The following ZNF280D variants were observed in gnomAD, a reference collection of about 807,000 sequenced individuals.
ZNF280D encodes the protein zinc finger protein 280D.
In ZNF280D, 39 loss-of-function variants were observed where a neutral mutation model predicts 94.7. That is an observed-to-expected ratio of 0.41 (90% confidence interval 0.32 to 0.54). The LOEUF is 0.54. Among genes scored for constraint, ZNF280D ranks in the 20% least tolerant of loss-of-function variants. ZNF280D has a pLI of 0.22. For missense variants in ZNF280D, 1,090 were observed against 1,149.3 expected, an observed-to-expected ratio of 0.95 and a Z score of 0.75; for synonymous variants, 398 against 377.6, an observed-to-expected ratio of 1.05 and a Z score of -0.63.
At chr15:56,721,528 G>C (rs2058359575) in intron 1 of ZNF280D, among the ~76,000 whole-genome samples, 1 of 152,162 alleles carries the variant, frequency 6.6e-6, no homozygotes, top group Non-Finnish European at 1.5e-5. Flanking sequence ...ATCTTAGGTA[G>C]ATCTCATGGA....
intron 13 of ZNF280D, among the ~76,000 whole-genome samples, chr15:56,675,309 G>C (rs764676378): frequency 2.3e-4 from 35 of 151,940 alleles, no homozygotes; most frequent in Non-Finnish European, 4.7e-4. Flanking sequence ...TCGTGAACTA[G>C]AGCTACTGCT....
chr15:56,722,576 C>T (rs1303698269), intron 1 of ZNF280D, among the ~76,000 whole-genome samples: 1 of 152,048 alleles, frequency 6.6e-6, no homozygotes, highest in Non-Finnish European at 1.5e-5. Flanking sequence ...AGTCAGGAAA[C>T]AACAGGTGCT....
chr15:56,699,514 T>C lies in ZNF280D; in HGVS notation c.381+1419A>G, dbSNP rs906361462. 1.4e-5 allele frequency: 12 copies of C among 865,274 alleles called. No individual in the cohort carries two copies. In the African/African-American group the frequency reaches 2.2e-4, roughly 16 times the overall value. 53.6% of individuals were successfully genotyped at this position (865,274 alleles called of 1,614,324 possible). Reference sequence around the variant, plus strand: ...CTGAACTAACATGACTGAAATAAAATAGTGTTATATTTTGTTCTTTAGACT... The same window carrying C: ...CTGAACTAACATGACTGAAATAAAACAGTGTTATATTTTGTTCTTTAGACT... On this transcript the variant is annotated intron_variant, in intron 6 of 21. Coordinates refer to ENST00000267807, the MANE Select transcript of ZNF280D (RefSeq NM_017661.4).
At chr15:56,725,478 A>C (rs1371540852) in intron 1 of ZNF280D, among the ~76,000 whole-genome samples, 7 of 152,338 alleles carry the variant, frequency 4.6e-5, no homozygotes, top group African/African-American at 1.7e-4. Context: ...ATTGTTTTAC[A>C]TTTTTGCTAC....
chr15:56,707,321 T>C lies in ZNF280D; in HGVS notation c.-85-15A>G, dbSNP rs774869969. On this transcript the variant is annotated splice_polypyrimidine_tract_variant and intron_variant, in intron 1 of 21. Transcript: ENST00000267807. The stretch of plus-strand genomic sequence containing the variant: ...TGTTTTCCTTCCTATAAAATAAAGA[T>C]ACCAACTATTAGGGTGGACTTCATT... 34 of 1,519,848 alleles carry C rather than the reference T, an allele frequency of 2.2e-5. No homozygotes were observed. The highest frequency in any genetic ancestry group is 1.7e-4 in the Middle Eastern group (1 of 5,928). The allele number at this position is 1,519,848 out of a possible 1,614,324, so 94.1% of individuals were successfully genotyped here. A position where few individuals can be genotyped will look rare whatever the true frequency, so the allele number is the denominator to read the frequency against.
At chr15:56,633,093 A>G (rs569614429) in intron 21 of ZNF280D, among the ~76,000 whole-genome samples, 13 of 152,274 alleles carry the variant, frequency 8.5e-5, no homozygotes, top group African/African-American at 2.2e-4. Flanking sequence ...CATTATCTAG[A>G]TCTAAGGATG....
At chr15:56,652,136 T>C (rs1288745702) in intron 19 of ZNF280D, among the ~76,000 whole-genome samples, 2 of 151,946 alleles carry the variant, frequency 1.3e-5, no homozygotes, top group African/African-American at 4.8e-5. Context: ...AAAATATAAA[T>C]TAGTTTGGAA....
chr15:56,646,617 C>G (rs1288323226), intron 19 of ZNF280D, among the ~76,000 whole-genome samples: 1 of 152,092 alleles, frequency 6.6e-6, no homozygotes, highest in Non-Finnish European at 1.5e-5. Flanking sequence ...GATGCCTGAG[C>G]AAAACATTTA....
At chr15:56,712,280 A>G (rs1258287263) in intron 1 of ZNF280D, among the ~76,000 whole-genome samples, 2 of 152,206 alleles carry the variant, frequency 1.3e-5, no homozygotes, top group Non-Finnish European at 2.9e-5. Context: ...TAAGTATCCA[A>G]TTCAAAAGTA....
intron 19 of ZNF280D, 102 bp from the exon 20 acceptor site, chr15:56,643,099 C>A (rs1227085221): frequency 5.7e-6 from 4 of 705,780 alleles, no homozygotes; most frequent in South Asian, 3.5e-5. Flanking sequence ...AAATGTAGAT[C>A]GAAACTAATG....
chr15:56,653,580 T>C, intron 19 of ZNF280D: 1 of 1,499,598 alleles, frequency 6.7e-7, no homozygotes, highest in Non-Finnish European at 8.9e-7. Context: ...TTTTTTGAAA[T>C]CTCTGGGCTG....
chr15:56,661,566 T>C (rs2053946207), intron 16 of ZNF280D, among the ~76,000 whole-genome samples: 1 of 152,182 alleles, frequency 6.6e-6, no homozygotes, highest in African/African-American at 2.4e-5. Flanking sequence ...AGAAACAAAT[T>C]TTTATACTAG....
intron 12 of ZNF280D, among the ~76,000 whole-genome samples, 183 bp from the exon 13 acceptor site, chr15:56,676,999 A>G (rs965190834): frequency 1.3e-5 from 2 of 152,166 alleles, no homozygotes; most frequent in Non-Finnish European, 2.9e-5. Context: ...CATTAAACGT[A>G]GCTTTCAAAG....
At chr15:56,682,956 C>G (rs1293692840) in intron 9 of ZNF280D, among the ~76,000 whole-genome samples, 1 of 151,862 alleles carries the variant, frequency 6.6e-6, no homozygotes, top group Non-Finnish European at 1.5e-5. Flanking sequence ...ATAGAATAGG[C>G]TCCTTAATTA....
chr15:56,649,644 G>A (rs1416281676), intron 19 of ZNF280D, among the ~76,000 whole-genome samples: 1 of 151,112 alleles, frequency 6.6e-6, no homozygotes, highest in East Asian at 1.9e-4. Context: ...TTAATGAAAT[G>A]AAGTCTCCCA....
At chr15:56,702,848 A>G (rs949891033) in intron 4 of ZNF280D, among the ~76,000 whole-genome samples, 4 of 151,734 alleles carry the variant, frequency 2.6e-5, no homozygotes, top group Non-Finnish European at 2.9e-5. Context: ...GTGAAGCAAG[A>G]ACTAGGCTTT....
intron 13 of ZNF280D, among the ~76,000 whole-genome samples, chr15:56,673,754 G>T (rs980225731): frequency 6.6e-6 from 1 of 151,898 alleles, no homozygotes; most frequent in African/African-American, 2.4e-5. Context: ...TGGCCTCCTT[G>T]CTATTCTTTG....
chr15:56,718,759 G>A (rs921512263), intron 1 of ZNF280D, among the ~76,000 whole-genome samples: 5 of 152,166 alleles, frequency 3.3e-5, no homozygotes, highest in Non-Finnish European at 7.3e-5. Flanking sequence ...GAGCACAGCA[G>A]GGCAGCTACA....
chr15:56,640,615 T>C (rs187690249), intron 20 of ZNF280D, among the ~76,000 whole-genome samples: 4 of 152,284 alleles, frequency 2.6e-5, no homozygotes, highest in East Asian at 1.9e-4. Flanking sequence ...TCTAATTCTT[T>C]TCTTATTTTG....
Sources: allele counts gnomAD v4.1 joint callset (sites outside exome capture counted in the v4.1 genomes callset), GRCh38; gene constraint gnomAD v4.1.1; transcripts MANE v1.5; gene names NCBI Gene and HGNC (gene_info 2026-07-23, HGNC 2026-07-21).